Variants in STK32C observed in about 807,000 individuals in gnomAD.
The protein encoded by STK32C is serine/threonine kinase 32C.
Under a neutral mutation model 56.5 loss-of-function variants are expected in STK32C, and 31 were observed. The observed-to-expected ratio is 0.55, with a 90% confidence interval of 0.41 to 0.74. STK32C has a LOEUF of 0.74. STK32C is among the 30% of genes least tolerant of loss of function. The probability of loss-of-function intolerance (pLI) is 0.00; values close to 1 mark genes in which losing one functional copy is unlikely to be tolerated. For synonymous variants in STK32C, 309 were observed against 289.4 expected, an observed-to-expected ratio of 1.07 and a Z score of -0.69; for missense variants, 544 against 676.9, an observed-to-expected ratio of 0.80 and a Z score of 2.18.
rs770058051 is a variant in STK32C, at chr10:132,226,787, G to A, written c.644+8C>T. The A allele has an allele frequency of 1.9e-6, 3 of 1,611,602 alleles. No individual in the cohort carries two copies. The highest frequency in any genetic ancestry group is 2.2e-5 in the South Asian group (2 of 91,082). ...AGCAGGTACCTGCGCCGTCTGCCAC[G>A]CACACACCTGTGGATGATGTGCTGG... On this transcript the variant is annotated splice_region_variant and intron_variant, in intron 4 of 11. Transcript: ENST00000298630.
chr10:132,240,408 T>G (rs1400567142), intron 2 of STK32C, among the ~76,000 whole-genome samples: 1 of 152,164 alleles, frequency 6.6e-6, no homozygotes, highest in Non-Finnish European at 1.5e-5. Flanking sequence ...GGCACTGTCT[T>G]CTCGCTGAGA....
intron 1 of STK32C, among the ~76,000 whole-genome samples, chr10:132,295,824 A>G (rs2065727952): frequency 6.6e-6 from 1 of 151,906 alleles, no homozygotes; most frequent in Non-Finnish European, 1.5e-5. Flanking sequence ...CGGAGGCTGC[A>G]GTGAGCCGAG....
intron 1 of STK32C, among the ~76,000 whole-genome samples, chr10:132,260,470 C>T (rs1473679433): frequency 1.3e-5 from 2 of 152,218 alleles, no homozygotes; most frequent in South Asian, 2.1e-4. Flanking sequence ...AGCCCCAGCG[C>T]CCTCCCATAC....
chr10:132,277,204 G>A (rs1312805241), intron 1 of STK32C, among the ~76,000 whole-genome samples: 2 of 152,174 alleles, frequency 1.3e-5, no homozygotes, highest in Non-Finnish European at 2.9e-5. Flanking sequence ...TCTTGGCCAG[G>A]ACCATCAAAA....
At chr10:132,294,779 G>A (rs1402806749) in intron 1 of STK32C, among the ~76,000 whole-genome samples, 1 of 152,168 alleles carries the variant, frequency 6.6e-6, no homozygotes, top group African/African-American at 2.4e-5. Context: ...TCCCCCCAGA[G>A]CCCCGGGTTC....
chr10:132,236,456 A>G (rs2063298822), intron 2 of STK32C, among the ~76,000 whole-genome samples: 1 of 152,220 alleles, frequency 6.6e-6, no homozygotes, highest in African/African-American at 2.4e-5. Context: ...CGGGCCCCAC[A>G]CACACTGGGC....
At chr10:132,259,868 G>A (rs915923407) in intron 1 of STK32C, among the ~76,000 whole-genome samples, 3 of 152,218 alleles carry the variant, frequency 2.0e-5, no homozygotes, top group African/African-American at 4.8e-5. Flanking sequence ...CCCTCACAGG[G>A]CCGGTTGCCT....
intron 1 of STK32C, among the ~76,000 whole-genome samples, chr10:132,327,601 G>T (rs556152037): frequency 6.6e-6 from 1 of 151,790 alleles, no homozygotes; most frequent in East Asian, 1.9e-4. Context: ...TTAGCCACCC[G>T]AGTACCTGGA....
intron 1 of STK32C, among the ~76,000 whole-genome samples, chr10:132,260,317 G>A (rs764181354): frequency 4.6e-5 from 7 of 152,120 alleles, no homozygotes; most frequent in South Asian, 2.1e-4. Context: ...GCAGGTGTCC[G>A]GCTTGGAGAC....
chr10:132,298,886 A>C (rs1280921351), intron 1 of STK32C, among the ~76,000 whole-genome samples: 1 of 152,182 alleles, frequency 6.6e-6, no homozygotes, highest in Non-Finnish European at 1.5e-5. Flanking sequence ...CATGAGAGAC[A>C]CCAAGAGGAT....
At position 132,307,781 on chromosome 10, in the gene STK32C, G is replaced by T; in HGVS notation, c.53C>A (p.Ser18Ter). ...GGGGCGCGCGCGGCCGGGGGGCGGC[G>T]AGCCCGGGGACGCCGCGGCGCTGCT... ...RGSSAAASPG[S>*]PPPGRARPAG... The change falls in exon 1 of 12, where the codon TCG becomes TAG. Residue 18 changes from serine to a stop codon, truncating the protein, a stop_gained. Transcript: ENST00000298630. LOFTEE classifies it high-confidence loss of function. This position sits in a 1 kb window ranked among gnomAD's most constrained non-coding sequence, Gnocchi z 4.4. 1 of 993,728 alleles carries T rather than the reference G, an allele frequency of 1.0e-6. No homozygotes were observed. Among genetic ancestry groups the T allele is most frequent in the South Asian group, 4.5e-5 (1 of 22,202 alleles). 61.6% of individuals were successfully genotyped at this position (993,728 alleles called of 1,614,324 possible).
At chr10:132,293,580 G>A (rs2065637806) in intron 1 of STK32C, among the ~76,000 whole-genome samples, 1 of 152,252 alleles carries the variant, frequency 6.6e-6, no homozygotes, top group Non-Finnish European at 1.5e-5. Context: ...GGGGAGCAAG[G>A]CAGCCGGCCA....
At chr10:132,254,565 C>T (rs2064036889) in intron 1 of STK32C, among the ~76,000 whole-genome samples, 1 of 68,928 alleles carries the variant, frequency 1.5e-5, no homozygotes, top group Non-Finnish European at 2.6e-5. Context: ...CACTATGTCA[C>T]CCCGGCACAA....
chr10:132,210,881 T>C (rs80044082), intron 10 of STK32C, among the ~76,000 whole-genome samples: 327 of 152,338 alleles, frequency 2.1e-3, no homozygotes, highest in Non-Finnish European at 4.1e-3. Flanking sequence ...GTGGACTCTC[T>C]CTTCCTAGCC....
chr10:132,328,268 A>AG (rs2066542348), intron 1 of STK32C, among the ~76,000 whole-genome samples: 1 of 151,930 alleles, frequency 6.6e-6, no homozygotes, highest in African/African-American at 2.4e-5. Context: ...ATGGACTCAT[A>AG]GGGGGTCGAA....
At position 132,255,856 on chromosome 10, in the gene STK32C, G is replaced by T; in HGVS notation, c.263-9901C>A. On this transcript the variant is annotated intron_variant, in intron 1 of 11. Coordinates refer to ENST00000298630, the MANE Select transcript of STK32C (RefSeq NM_173575.4). This position sits in a 1 kb window ranked among gnomAD's most constrained non-coding sequence, Gnocchi z 4.6. The stretch of plus-strand genomic sequence containing the variant: ...ACGTGCGCTGCCCACGCATCTCCGA[G>T]GGCCCAGCTGGCCACCTTCTCCTTC... Among the ~76,000 whole-genome samples the T allele has an allele frequency of 6.6e-6, 1 of 152,304 alleles. No individual in the cohort carries two copies. Among genetic ancestry groups the T allele is most frequent in the East Asian group, 1.9e-4 (1 of 5,170 alleles).
upstream of STK32C, among the ~76,000 whole-genome samples, chr10:132,311,389 C>T (rs886165653): frequency 2.6e-5 from 4 of 152,236 alleles, no homozygotes; most frequent in Non-Finnish European, 5.9e-5. The surrounding 1 kb of genome is among the most constrained non-coding windows in gnomAD (Gnocchi z 4.4). Flanking sequence ...GGACAGCCTC[C>T]CTCCTGGGAA....
downstream of STK32C, among the ~76,000 whole-genome samples, chr10:132,323,798 T>C (rs188222519): frequency 3.6e-3 from 555 of 152,298 alleles, 3 homozygotes; most frequent in African/African-American, 0.013. This position sits in a 1 kb window ranked among gnomAD's most constrained non-coding sequence, Gnocchi z 4.8. Flanking sequence ...AGATGTTTAC[T>C]TGACTCAGTT....
chr10:132,313,807 T>A (rs1333236637), intron 1 of STK32C, among the ~76,000 whole-genome samples: 1 of 152,054 alleles, frequency 6.6e-6, no homozygotes, highest in Non-Finnish European at 1.5e-5. Context: ...GCTAAGGAGA[T>A]GACAAGGACC....
Sources: allele counts gnomAD v4.1 joint callset (sites outside exome capture counted in the v4.1 genomes callset), GRCh38; gene constraint gnomAD v4.1.1; non-coding constraint Gnocchi (gnomAD v3.1); transcripts MANE v1.5; gene names NCBI Gene and HGNC (gene_info 2026-07-23, HGNC 2026-07-21).